The following ADGRL3 variants were observed in gnomAD, a reference collection of about 807,000 sequenced individuals.
The protein encoded by ADGRL3 is calcium-independent alpha-latrotoxin receptor 3.
In ADGRL3, 62 loss-of-function variants were observed where a neutral mutation model predicts 153.5. The ratio of observed to expected loss-of-function variants is 0.40; its 90% CI spans 0.33 to 0.50. The LOEUF is 0.50. ADGRL3 is among the 20% of genes least tolerant of loss of function. The probability of loss-of-function intolerance (pLI) is 0.47; values close to 1 mark genes in which losing one functional copy is unlikely to be tolerated. For missense variants in ADGRL3, 1,641 were observed against 1,859.4 expected (o/e 0.88, Z 2.16); for synonymous variants, 710 against 672.5 (o/e 1.06, Z -0.86).
At chr4:61,824,717 A>G (rs1305501412) in intron 9 of ADGRL3, among the ~76,000 whole-genome samples, 2 of 152,126 alleles carry the variant, frequency 1.3e-5, no homozygotes, top group Non-Finnish European at 2.9e-5. Flanking sequence ...TATTTGGCAT[A>G]CTCAACATAA....
At chr4:61,667,864 G>C (rs2094853515) in intron 5 of ADGRL3, among the ~76,000 whole-genome samples, 2 of 152,100 alleles carry the variant, frequency 1.3e-5, no homozygotes, top group Non-Finnish European at 2.9e-5. Flanking sequence ...TACATCACAG[G>C]AATAATGACC....
chr4:61,712,181 C>A (rs1336886694), intron 6 of ADGRL3, among the ~76,000 whole-genome samples: 1 of 151,864 alleles, frequency 6.6e-6, no homozygotes, highest in Non-Finnish European at 1.5e-5. Context: ...ATCACTTGAG[C>A]CCCGGAATTC....
At chr4:61,292,853 C>T (rs893048633) in intron 1 of ADGRL3, among the ~76,000 whole-genome samples, 2 of 152,090 alleles carry the variant, frequency 1.3e-5, no homozygotes, top group East Asian at 1.9e-4. Flanking sequence ...GCAAATAGAA[C>T]CTTCTTGACC....
At chr4:61,988,041 G>A (rs906659720) in intron 19 of ADGRL3, among the ~76,000 whole-genome samples, 1 of 151,980 alleles carries the variant, frequency 6.6e-6, no homozygotes, top group African/African-American at 2.4e-5. Flanking sequence ...TGACAGATAT[G>A]GAGATAAATA....
chr4:61,796,579 T>G (rs1258488194), intron 8 of ADGRL3, among the ~76,000 whole-genome samples: 1 of 152,226 alleles, frequency 6.6e-6, no homozygotes. Flanking sequence ...GATTTGTTGA[T>G]GACTTCATAA....
At chr4:62,058,055 G>T (rs1738024573) in intron 25 of ADGRL3, among the ~76,000 whole-genome samples, 1 of 152,114 alleles carries the variant, frequency 6.6e-6, no homozygotes, top group Non-Finnish European at 1.5e-5. Context: ...GTTTCTGACA[G>T]CAAATAAGCA....
rs777090659 is a variant in ADGRL3 at position 61,792,508 on chromosome 4, TG to T, written c.1400-21300del. ...TATTTATTTTATTATTTTTTTTTTT[TG>T]AGACCGAGTCTCACTCTGTCACCAG... is the stretch of plus-strand genomic sequence containing the variant. On this transcript the variant is annotated intron_variant, in intron 8 of 26. Transcript: ENST00000683033. Among the ~76,000 whole-genome samples the T allele has an allele frequency of 9.4e-4, 40 of 42,656 alleles. No homozygotes were observed. In the East Asian group the frequency reaches 0.022, roughly 23 times the overall value. 28.0% of individuals were successfully genotyped at this position (42,656 alleles called of 152,430 possible). A position where few individuals can be genotyped will look rare whatever the true frequency, so the allele number is the denominator to read the frequency against.
At chr4:61,386,033 G>A (rs2096732177) in intron 2 of ADGRL3, among the ~76,000 whole-genome samples, 1 of 152,136 alleles carries the variant, frequency 6.6e-6, no homozygotes, top group African/African-American at 2.4e-5. Context: ...CTGGGATTTT[G>A]ATGGTGGTGG....
chr4:61,461,339 A>G (rs757883315), intron 2 of ADGRL3, among the ~76,000 whole-genome samples: 21 of 152,190 alleles, frequency 1.4e-4, no homozygotes, highest in Non-Finnish European at 2.8e-4. Flanking sequence ...GCTTTATAGT[A>G]TATTGTATAT....
intron 9 of ADGRL3, among the ~76,000 whole-genome samples, chr4:61,830,473 A>C (rs2097856609): frequency 6.6e-6 from 1 of 152,198 alleles, no homozygotes; most frequent in Admixed American, 6.5e-5. Context: ...ATGCCATCAG[A>C]ACTCCACCAT....
intron 6 of ADGRL3, among the ~76,000 whole-genome samples, chr4:61,683,683 G>C (rs747942611): frequency 4.6e-5 from 7 of 152,164 alleles, no homozygotes; most frequent in Non-Finnish European, 1.0e-4. Flanking sequence ...AGAGGAAAGC[G>C]CACCAAACAG....
intron 17 of ADGRL3, among the ~76,000 whole-genome samples, chr4:61,967,440 G>T (rs902301203): frequency 1.3e-5 from 2 of 152,066 alleles, no homozygotes; most frequent in Non-Finnish European, 2.9e-5. Flanking sequence ...CCCCCATTAA[G>T]TCCATATTAC....
In ADGRL3 at chr4:62,028,866, A is replaced by G; in HGVS notation, c.3407A>G (p.Asn1136Ser). The G allele has an allele frequency of 6.2e-7, 1 of 1,606,288 alleles. No homozygotes were observed. Among genetic ancestry groups the G allele is most frequent in the South Asian group, 1.1e-5 (1 of 89,948 alleles). The change falls in exon 22 of 27, where the codon AAC (asparagine) becomes AGC (serine). Residue 1136 changes from asparagine (N) to serine (S), a missense_variant. This residue lies in a region of ADGRL3 where 517 missense variants were observed against 555.0 expected (regional missense o/e 0.93). Coordinates refer to ENST00000683033, the MANE Select transcript of ADGRL3 (RefSeq NM_001387552.1). ...GCLDNINYED[N>S]RPFIKSWVIG... ...TATGCATTCTTTAGCTATGAGGATA[A>G]CAGACCCTTCATCAAGTAAGAATGA...
intron 2 of ADGRL3, among the ~76,000 whole-genome samples, chr4:61,434,514 T>C (rs534403591): frequency 6.6e-6 from 1 of 152,226 alleles, no homozygotes; most frequent in Admixed American, 6.5e-5. Flanking sequence ...TGAAATGATA[T>C]TTTGATTTTG....
chr4:61,995,623 A>G (rs1393788580), intron 19 of ADGRL3, among the ~76,000 whole-genome samples: 1 of 152,190 alleles, frequency 6.6e-6, no homozygotes, highest in Non-Finnish European at 1.5e-5. Flanking sequence ...TGAAGAACGA[A>G]AATGTAATTT....
intron 4 of ADGRL3, among the ~76,000 whole-genome samples, chr4:61,565,846 G>A (rs377064918): frequency 1.3e-5 from 2 of 152,016 alleles, no homozygotes; most frequent in African/African-American, 4.8e-5. Flanking sequence ...TCGGATTTAG[G>A]CATCTATTAT....
chr4:61,618,434 A>G (rs1252023882), intron 5 of ADGRL3, among the ~76,000 whole-genome samples: 2 of 152,316 alleles, frequency 1.3e-5, no homozygotes, highest in South Asian at 4.1e-4. Context: ...CAAATTTCTC[A>G]CATTCACAAT....
chr4:61,254,770 G>A (rs193109718), intron 1 of ADGRL3, among the ~76,000 whole-genome samples: 3 of 152,250 alleles, frequency 2.0e-5, no homozygotes, highest in African/African-American at 7.2e-5. Flanking sequence ...AGGCATCCAG[G>A]ATGGATGCTG....
chr4:61,390,657 C>G (rs1441987218), intron 2 of ADGRL3, among the ~76,000 whole-genome samples: 2 of 152,272 alleles, frequency 1.3e-5, no homozygotes, highest in East Asian at 3.9e-4. Flanking sequence ...CAACTGTTGC[C>G]TTTCCATCTG....
Sources: gnomAD v4.1 joint callset for allele counts (sites outside exome capture counted in the v4.1 genomes callset) on GRCh38, gnomAD v4.1.1 for gene constraint, gnomAD v4.1.1 regional missense constraint, MANE v1.5 for transcripts, NCBI Gene and HGNC (gene_info 2026-07-23, HGNC 2026-07-21) for gene names.